The following ANKS1B variants were observed in gnomAD, a reference collection of about 807,000 sequenced individuals.
ANKS1B encodes ankyrin repeat and sterile alpha motif domain containing 1B.
In ANKS1B, 36 loss-of-function variants were observed where a neutral mutation model predicts 148.3. That is an observed-to-expected ratio of 0.24 (90% CI 0.19 to 0.32). ANKS1B has a LOEUF of 0.32. Ranked by LOEUF, ANKS1B falls within the 10% of genes least tolerant of loss-of-function variation. ANKS1B has a pLI of 1.00. For missense variants in ANKS1B, 1,157 were observed against 1,542.6 expected, an observed-to-expected ratio of 0.75 and a Z score of 4.19; for synonymous variants, 542 against 560.8, an observed-to-expected ratio of 0.97 and a Z score of 0.47.
intron 1 of ANKS1B, among the ~76,000 whole-genome samples, chr12:99,940,826 G>A (rs552067808): frequency 8.5e-5 from 13 of 152,262 alleles, no homozygotes; most frequent in African/African-American, 2.9e-4. Flanking sequence ...GAGGGTGAAA[G>A]ACGACTTCTA....
intron 12 of ANKS1B, among the ~76,000 whole-genome samples, chr12:99,305,180 G>C (rs1227743587): frequency 6.6e-6 from 1 of 151,846 alleles, no homozygotes; most frequent in African/African-American, 2.4e-5. Context: ...TGTGGGGAGG[G>C]TACCAAGCCA....
chr12:98,749,836 G>A (rs994352734), intron 26 of ANKS1B, among the ~76,000 whole-genome samples: 5 of 152,154 alleles, frequency 3.3e-5, no homozygotes, highest in African/African-American at 7.2e-5. Flanking sequence ...CAGTGGCCCC[G>A]ACTGGAAGAG....
intron 1 of ANKS1B, among the ~76,000 whole-genome samples, chr12:99,920,404 T>C (rs1719061650): frequency 1.3e-5 from 2 of 151,070 alleles, no homozygotes; most frequent in African/African-American, 4.9e-5. Context: ...CTAGAAAAAA[T>C]AAAATTTTAA....
At chr12:99,210,133 C>T (rs1368323842) in intron 14 of ANKS1B, among the ~76,000 whole-genome samples, 1 of 152,134 alleles carries the variant, frequency 6.6e-6, no homozygotes, top group African/African-American at 2.4e-5. Context: ...TTTCTTTCCT[C>T]TTTCTTTAAC....
At chr12:99,418,660 T>C (rs1256781681) in intron 11 of ANKS1B, among the ~76,000 whole-genome samples, 1 of 152,198 alleles carries the variant, frequency 6.6e-6, no homozygotes, top group East Asian at 1.9e-4. Flanking sequence ...TTGGCACAGG[T>C]TAGAGCTTCC....
intron 1 of ANKS1B, among the ~76,000 whole-genome samples, chr12:99,888,859 A>C (rs2092955216): frequency 1.3e-5 from 2 of 152,064 alleles, no homozygotes; most frequent in Admixed American, 1.3e-4. Flanking sequence ...TTTGTTTCAA[A>C]TTGTATCTCT....
chr12:99,372,800 C>T (rs570027195), intron 12 of ANKS1B, among the ~76,000 whole-genome samples: 2 of 152,156 alleles, frequency 1.3e-5, no homozygotes, highest in East Asian at 3.9e-4. Context: ...GTACCAGTGC[C>T]AGGGTTTCAG....
At chr12:98,949,952 A>G (rs1471009937) in intron 17 of ANKS1B, 1 of 152,240 alleles carries the variant, frequency 6.6e-6, no homozygotes, top group Non-Finnish European at 1.5e-5. Flanking sequence ...ATCCATGAAA[A>G]TGAGGTGCTA....
intron 26 of ANKS1B, among the ~76,000 whole-genome samples, chr12:98,747,410 C>T (rs1364193253): frequency 3.3e-5 from 5 of 152,094 alleles, no homozygotes; most frequent in Non-Finnish European, 7.4e-5. Context: ...TACGATCTCA[C>T]CCCCGCTACT....
chr12:99,232,775 G>C (rs10777965), intron 14 of ANKS1B, among the ~76,000 whole-genome samples: 104,866 of 152,042 alleles, frequency 0.69, 36,473 homozygotes, highest in Middle Eastern at 0.79. Flanking sequence ...AATCCTCAGT[G>C]ATCAAAAGAT....
chr12:98,885,061 C>T lies in ANKS1B; in HGVS notation c.2779-52925G>A, dbSNP rs148565031. Among the ~76,000 whole-genome samples the T allele has an allele frequency of 6.6e-5, 10 of 152,282 alleles. No individual in the cohort carries two copies. In the East Asian group the frequency reaches 1.9e-3, roughly 29 times the overall value. On this transcript the variant is annotated intron_variant, in intron 17 of 26. Transcript: ENST00000683438. ...TTTAGAAGTCATTCATAACTCCTCC[C>T]TTTTTCTCATCTTTCACATTAATTC...
intron 8 of ANKS1B, among the ~76,000 whole-genome samples, chr12:99,680,468 G>C (rs1338476757): frequency 6.6e-6 from 1 of 151,960 alleles, no homozygotes; most frequent in Non-Finnish European, 1.5e-5. Flanking sequence ...GCAGCAGGAA[G>C]AGCCCTGTAG....
chr12:99,905,952 C>G (rs1040417300), intron 1 of ANKS1B, among the ~76,000 whole-genome samples: 1 of 152,192 alleles, frequency 6.6e-6, no homozygotes, highest in African/African-American at 2.4e-5. Context: ...TAGGTAACCA[C>G]TCTAACAGAG....
At chr12:98,912,485 C>T (rs1161195041) in intron 17 of ANKS1B, among the ~76,000 whole-genome samples, 1 of 152,180 alleles carries the variant, frequency 6.6e-6, no homozygotes, top group Non-Finnish European at 1.5e-5. Context: ...GGAGGTGAAT[C>T]CTCCACTGCC....
At chr12:98,768,477 G>T (rs547641132) in intron 25 of ANKS1B, among the ~76,000 whole-genome samples, 1 of 138,218 alleles carries the variant, frequency 7.2e-6, no homozygotes, top group South Asian at 2.4e-4. Flanking sequence ...GCTCATGCCT[G>T]TAATCCCAGC....
At chr12:99,293,728 G>C (rs2080399355) in intron 12 of ANKS1B, among the ~76,000 whole-genome samples, 1 of 150,550 alleles carries the variant, frequency 6.6e-6, no homozygotes, top group East Asian at 2.0e-4. Flanking sequence ...TTACCAAAGT[G>C]AAGAGGCATC....
At chr12:99,920,670 G>A (rs955853143) in intron 1 of ANKS1B, among the ~76,000 whole-genome samples, 1 of 152,024 alleles carries the variant, frequency 6.6e-6, no homozygotes, top group Non-Finnish European at 1.5e-5. Context: ...AAATCTAAAG[G>A]CCTGAGAACT....
At chr12:99,333,353 A>T (rs7304346) in intron 12 of ANKS1B, among the ~76,000 whole-genome samples, 1 of 151,964 alleles carries the variant, frequency 6.6e-6, no homozygotes, top group African/African-American at 2.4e-5. Flanking sequence ...AGAAATTAAC[A>T]GATAGATTCA....
chr12:99,057,537 G>A (rs776078158), intron 16 of ANKS1B, among the ~76,000 whole-genome samples: 3 of 152,016 alleles, frequency 2.0e-5, no homozygotes, highest in South Asian at 2.1e-4. Flanking sequence ...CCCTTCAGCC[G>A]ACAGTTATTT....
Sources: allele counts gnomAD v4.1 joint callset (sites outside exome capture counted in the v4.1 genomes callset), GRCh38; gene constraint gnomAD v4.1.1; transcripts MANE v1.5; gene names NCBI Gene and HGNC (gene_info 2026-07-23, HGNC 2026-07-21).